DDHD1: variants seen among roughly 807,000 people sequenced by gnomAD.
The protein encoded by DDHD1 is phospholipase DDHD1.
A neutral mutation model predicts 96.4 loss-of-function variants in DDHD1; 49 were observed. The observed-to-expected ratio is 0.51, with a 90% CI of 0.40 to 0.64. The LOEUF is 0.64. Ranked by LOEUF, DDHD1 falls within the 30% of genes least tolerant of loss-of-function variation. The probability of loss-of-function intolerance (pLI) is 0.00; values close to 1 mark genes in which losing one functional copy is unlikely to be tolerated. For missense variants in DDHD1, 1,106 were observed against 1,161.2 expected (o/e 0.95, Z 0.69); for synonymous variants, 442 against 446.5 (o/e 0.99, Z 0.13).
In DDHD1 at chr14:53,042,428, G is replaced by A. The variant is rs1881722493; in HGVS notation, c.*4340C>T. ...GTTGTCACTGTATTTAGTTTTTCATGGAGTTTGCTGCCTTTCACTTCACTT... is the reference window on the plus strand; with the variant it reads ...GTTGTCACTGTATTTAGTTTTTCATAGAGTTTGCTGCCTTTCACTTCACTT... On this transcript the variant is annotated 3_prime_UTR_variant, in exon 13 of 13. Transcript: ENST00000673822. The A allele has an allele frequency of 6.6e-6, 1 of 152,012 alleles. No individual in the cohort carries two copies. Among genetic ancestry groups the A allele is most frequent in the South Asian group, 2.1e-4 (1 of 4,824 alleles). 9.4% of individuals were successfully genotyped at this position (152,012 alleles called of 1,614,324 possible).
chr14:53,105,085 T>C (rs1014179971), intron 1 of DDHD1, among the ~76,000 whole-genome samples: 14 of 151,988 alleles, frequency 9.2e-5, no homozygotes, highest in African/African-American at 3.4e-4. Flanking sequence ...ACAAAAGAGA[T>C]ACAAATATAA....
intron 2 of DDHD1, among the ~76,000 whole-genome samples, chr14:53,099,416 T>C (rs564178081): frequency 6.6e-6 from 1 of 152,324 alleles, no homozygotes; most frequent in East Asian, 1.9e-4. Context: ...CCTTAGTCTA[T>C]TCTGTGACAA....
At chr14:53,090,200 C>T (rs964664946) in intron 4 of DDHD1, among the ~76,000 whole-genome samples, 13 of 152,098 alleles carry the variant, frequency 8.5e-5, no homozygotes, top group African/African-American at 9.7e-5. Flanking sequence ...GTTAGAATGG[C>T]AATCATTAAA....
At chr14:53,062,349 T>G (rs1883658240) in intron 7 of DDHD1, among the ~76,000 whole-genome samples, 1 of 152,138 alleles carries the variant, frequency 6.6e-6, no homozygotes, top group East Asian at 1.9e-4. Flanking sequence ...ATTTTTATAT[T>G]AGAATTAATC....
At chr14:53,082,601 A>G (rs1292567030) in intron 4 of DDHD1, among the ~76,000 whole-genome samples, 1 of 151,966 alleles carries the variant, frequency 6.6e-6, no homozygotes, top group African/African-American at 2.4e-5. Flanking sequence ...TCTACTAAAA[A>G]TACAAAAATT....
intron 12 of DDHD1, among the ~76,000 whole-genome samples, chr14:53,050,305 G>A (rs550767896): frequency 3.3e-5 from 5 of 152,204 alleles, no homozygotes; most frequent in Admixed American, 1.3e-4. Context: ...AATCAGGAAC[G>A]ATTAAAAGGG....
intron 10 of DDHD1, among the ~76,000 whole-genome samples, chr14:53,055,388 T>C (rs1019736921): frequency 5.9e-5 from 9 of 152,216 alleles, no homozygotes; most frequent in African/African-American, 2.2e-4. Context: ...CAGCAAGTGG[T>C]AGGACCAAGA....
intron 1 of DDHD1, among the ~76,000 whole-genome samples, chr14:53,141,567 C>T (rs1316661912): frequency 2.0e-5 from 3 of 152,324 alleles, no homozygotes; most frequent in Non-Finnish European, 4.4e-5. Flanking sequence ...CTGCAAACTA[C>T]TGGTCACACA....
intron 11 of DDHD1, chr14:53,053,382 A>G (rs1882771476): frequency 6.6e-6 from 1 of 152,246 alleles, no homozygotes; most frequent in South Asian, 2.1e-4. Context: ...TGCAATTATA[A>G]AATTTTCAGT....
intron 2 of DDHD1, among the ~76,000 whole-genome samples, chr14:53,102,458 C>T (rs1887375811): frequency 6.6e-6 from 1 of 151,864 alleles, no homozygotes; most frequent in Non-Finnish European, 1.5e-5. Context: ...TTAGAATTTC[C>T]AGAGTATGGT....
chr14:53,040,147 G>C lies in DDHD1; in HGVS notation c.*6621C>G, dbSNP rs892553818. 4.6e-5 allele frequency: 7 copies of C among 152,220 alleles called. No individual in the cohort carries two copies. The highest frequency in any genetic ancestry group is 1.4e-4 in the African/African-American group (6 of 41,450). The allele number at this position is 152,220 out of a possible 1,614,324, so 9.4% of individuals were successfully genotyped here. Reference sequence around the variant, plus strand: ...AGGTAGTAGGAGTAGGTTTCTATCTGGCACGGGTTCTTGGAGTTAGCCTGA... The same window carrying C: ...AGGTAGTAGGAGTAGGTTTCTATCTCGCACGGGTTCTTGGAGTTAGCCTGA... On this transcript the variant is annotated 3_prime_UTR_variant, in exon 13 of 13. Coordinates refer to ENST00000673822, the MANE Select transcript of DDHD1 (RefSeq NM_001160148.2).
Position 53,096,099 on chromosome 14 carries a change from A to T in DDHD1, c.1013-2655T>A, listed in dbSNP as rs560984277. On this transcript the variant is annotated intron_variant, in intron 2 of 12. Coordinates refer to ENST00000673822, the MANE Select transcript of DDHD1 (RefSeq NM_001160148.2). Reference sequence around the variant, plus strand: ...AGGAATATAACTACATGGAGAAATAAAACTACAATTACTGTACCTTGGGAA... The same window carrying T: ...AGGAATATAACTACATGGAGAAATATAACTACAATTACTGTACCTTGGGAA... 7.0e-5 allele frequency: 68 copies of T among 971,390 alleles called. No individual in the cohort carries two copies. In the African/African-American group the frequency reaches 1.1e-3, roughly 16 times the overall value. The allele number at this position is 971,390 out of a possible 1,614,324, so 60.2% of individuals were successfully genotyped here.
At chr14:53,080,394 G>A (rs766311249) in intron 4 of DDHD1, among the ~76,000 whole-genome samples, 2 of 152,052 alleles carry the variant, frequency 1.3e-5, no homozygotes, top group Non-Finnish European at 2.9e-5. Flanking sequence ...ACATGGTTAA[G>A]AGCCATTTCC....
chr14:53,103,352 C>A, intron 2 of DDHD1: 2 of 354,762 alleles, frequency 5.6e-6, no homozygotes, highest in Non-Finnish European at 1.0e-5. Flanking sequence ...GATATAACAA[C>A]AAGGAATTTT....
intron 1 of DDHD1, among the ~76,000 whole-genome samples, chr14:53,129,892 T>A (rs1043492423): frequency 1.3e-5 from 2 of 152,188 alleles, no homozygotes; most frequent in Non-Finnish European, 2.9e-5. Context: ...ATAATTACTG[T>A]CGTAAAAATG....
chr14:53,060,180 T>C (rs966363856), intron 8 of DDHD1, among the ~76,000 whole-genome samples: 2 of 152,114 alleles, frequency 1.3e-5, no homozygotes, highest in African/African-American at 2.4e-5. Context: ...CATGAGCAAA[T>C]ACTCAACAGG....
At chr14:53,098,875 T>A (rs1043925918) in intron 2 of DDHD1, among the ~76,000 whole-genome samples, 2 of 152,112 alleles carry the variant, frequency 1.3e-5, no homozygotes, top group African/African-American at 4.8e-5. Context: ...ATCTTTTACT[T>A]TCAATTTATC....
chr14:53,144,788 A>G (rs1890864891), intron 1 of DDHD1, among the ~76,000 whole-genome samples: 1 of 152,240 alleles, frequency 6.6e-6, no homozygotes, highest in Non-Finnish European at 1.5e-5. Context: ...GTGGGATTGC[A>G]TTTAACTAAA....
intron 4 of DDHD1, among the ~76,000 whole-genome samples, chr14:53,083,411 A>G (rs1386320438): frequency 1.3e-5 from 2 of 152,222 alleles, no homozygotes; most frequent in Non-Finnish European, 2.9e-5. Flanking sequence ...TGTATTTAAA[A>G]TGCCTTCCAT....
Sources: allele counts gnomAD v4.1 joint callset (sites outside exome capture counted in the v4.1 genomes callset), GRCh38; gene constraint gnomAD v4.1.1; transcripts MANE v1.5; gene names NCBI Gene and HGNC (gene_info 2026-07-23, HGNC 2026-07-21).